PRR16: variants seen among roughly 807,000 people sequenced by gnomAD.
PRR16 encodes proline rich 16.
A neutral mutation model predicts 18.2 loss-of-function variants in PRR16; 6 were observed. That is an observed-to-expected ratio of 0.33 (90% CI 0.18 to 0.65). The LOEUF (loss-of-function observed/expected upper bound fraction) is 0.65. Among genes scored for constraint, PRR16 ranks in the 30% least tolerant of loss-of-function variants. The pLI, the probability that PRR16 is intolerant of heterozygous loss-of-function variation, is 0.74. For missense variants in PRR16, 412 were observed against 376.6 expected (o/e 1.09, Z -0.78); for synonymous variants, 151 against 147.8 (o/e 1.02, Z -0.16).
intron 1 of PRR16, among the ~76,000 whole-genome samples, chr5:120,631,375 C>T (rs1271245821): frequency 6.6e-6 from 1 of 152,042 alleles, no homozygotes; most frequent in African/African-American, 2.4e-5. Flanking sequence ...CTGCAGGCTC[C>T]CTGAGACACT....
the PRR16 span, among the ~76,000 whole-genome samples, chr5:120,693,605 T>A: frequency 6.6e-6 from 1 of 152,224 alleles, no homozygotes; most frequent in African/African-American, 2.4e-5. Context: ...TCTCCCAAAC[T>A]TTTTTATAAT....
the PRR16 span, among the ~76,000 whole-genome samples, chr5:120,756,522 G>A: frequency 6.6e-6 from 1 of 151,762 alleles, no homozygotes; most frequent in Non-Finnish European, 1.5e-5. Flanking sequence ...ACTATGTTTT[G>A]GATTTGCATT....
At chr5:120,657,491 G>A (rs1756022678) in intron 1 of PRR16, among the ~76,000 whole-genome samples, 1 of 151,872 alleles carries the variant, frequency 6.6e-6, no homozygotes, top group African/African-American at 2.4e-5. Flanking sequence ...ATGACACATT[G>A]GGGATTTTTT....
rs542063582 is a variant in PRR16, at chr5:120,516,244, C to T, written c.159+51599C>T. ...TTCGAGACCAGCCTGGCCAACATGG[C>T]GAAACGCCATCTCTACCAAAAAATA... On this transcript the variant is annotated intron_variant, in intron 1 of 1. Coordinates refer to ENST00000407149, the MANE Select transcript of PRR16 (RefSeq NM_001300783.2). 2.4e-4 allele frequency among the ~76,000 whole-genome samples: 37 copies of T among 151,932 alleles called. No homozygotes were observed. The South Asian group carries it at 2.5e-3, about 10-fold the overall frequency.
chr5:120,668,268 G>C lies in PRR16; in HGVS notation c.160-17686G>C, dbSNP rs575503002. Among the ~76,000 whole-genome samples, 680 of 151,206 alleles carry C rather than the reference G, an allele frequency of 4.5e-3. 4 individuals carry two copies. The highest frequency in any genetic ancestry group is 0.016 in the African/African-American group (648 of 41,154). ...TAAAGTCTGTTTTATCAGAGACTAG[G>C]ATTGCAACCCCTGCCTTTTTATGTT... On this transcript the variant is annotated intron_variant, in intron 1 of 1. Coordinates refer to ENST00000407149, the MANE Select transcript of PRR16 (RefSeq NM_001300783.2).
At chr5:120,708,200 C>T in the PRR16 span, among the ~76,000 whole-genome samples, 2 of 152,144 alleles carry the variant, frequency 1.3e-5, no homozygotes, top group South Asian at 4.1e-4. Flanking sequence ...GTACATTTGC[C>T]TTGGGAATTC....
chr5:120,645,484 TA>T (rs112857511), intron 1 of PRR16, among the ~76,000 whole-genome samples: 9,355 of 151,414 alleles, frequency 0.062, 1,008 homozygotes, highest in African/African-American at 0.21. Flanking sequence ...TTTGATCAGC[TA>T]TTAGGGGCAA....
At chr5:120,633,918 A>T (rs1041514537) in intron 1 of PRR16, among the ~76,000 whole-genome samples, 8 of 152,172 alleles carry the variant, frequency 5.3e-5, no homozygotes, top group Non-Finnish European at 8.8e-5. Flanking sequence ...ATGGACTTAA[A>T]TTATACCCTA....
chr5:120,610,422 G>A (rs1297676218), intron 1 of PRR16, among the ~76,000 whole-genome samples: 3 of 147,242 alleles, frequency 2.0e-5, no homozygotes, highest in African/African-American at 7.3e-5. Flanking sequence ...GCTAAAATTA[G>A]TTTCAATACA....
chr5:120,762,005 A>T, the PRR16 span, among the ~76,000 whole-genome samples: 1 of 152,122 alleles, frequency 6.6e-6, no homozygotes, highest in Non-Finnish European at 1.5e-5. Context: ...AATTTTACAT[A>T]ATGACTTCCA....
intron 1 of PRR16, among the ~76,000 whole-genome samples, chr5:120,655,974 C>T (rs907297143): frequency 6.6e-6 from 1 of 151,778 alleles, no homozygotes; most frequent in Non-Finnish European, 1.5e-5. Context: ...AGTTACTGAA[C>T]CGAGCCTTTT....
intron 1 of PRR16, among the ~76,000 whole-genome samples, chr5:120,599,055 T>G (rs1157575410): frequency 1.3e-5 from 2 of 151,872 alleles, no homozygotes; most frequent in Non-Finnish European, 2.9e-5. Context: ...TTGTAATATG[T>G]TTAGTCTCAT....
the PRR16 span, among the ~76,000 whole-genome samples, chr5:120,697,546 TC>T: frequency 1.3e-5 from 2 of 152,198 alleles, no homozygotes; most frequent in African/African-American, 4.8e-5. Context: ...ATTTACATTT[TC>T]ATGCGCGTCC....
At chr5:120,731,745 G>A in the PRR16 span, among the ~76,000 whole-genome samples, 3 of 152,132 alleles carry the variant, frequency 2.0e-5, no homozygotes, top group African/African-American at 7.2e-5. Flanking sequence ...AAACAAGGCT[G>A]GCAATGACAG....
chr5:120,562,910 T>C (rs183427766), intron 1 of PRR16, among the ~76,000 whole-genome samples: 3 of 152,312 alleles, frequency 2.0e-5, no homozygotes, highest in Admixed American at 6.5e-5. Flanking sequence ...GAGTAGGTTG[T>C]ATATTCTAAT....
the PRR16 span, among the ~76,000 whole-genome samples, chr5:120,775,617 C>T: frequency 0.14 from 20,399 of 149,668 alleles, 1,957 homozygotes; most frequent in African/African-American, 0.27. Context: ...TTTTCCTTTT[C>T]TCTTTTTCTT....
intron 1 of PRR16, among the ~76,000 whole-genome samples, chr5:120,601,763 G>A (rs1403400135): frequency 6.6e-6 from 1 of 151,984 alleles, no homozygotes; most frequent in Non-Finnish European, 1.5e-5. Flanking sequence ...AAGGGGTCCA[G>A]TTTCAGTCTT....
At chr5:120,722,090 T>C in the PRR16 span, among the ~76,000 whole-genome samples, 1 of 152,144 alleles carries the variant, frequency 6.6e-6, no homozygotes, top group African/African-American at 2.4e-5. Context: ...GTTCTCATTG[T>C]TGGACTCCCA....
intron 1 of PRR16, among the ~76,000 whole-genome samples, chr5:120,530,076 A>C (rs1751494427): frequency 6.6e-6 from 1 of 150,690 alleles, no homozygotes. Flanking sequence ...TAGCAAGCTA[A>C]CAAGGCCTAT....
Sources: gnomAD v4.1 joint callset for allele counts (sites outside exome capture counted in the v4.1 genomes callset) on GRCh38, gnomAD v4.1.1 for gene constraint, MANE v1.5 for transcripts, NCBI Gene and HGNC (gene_info 2026-07-23, HGNC 2026-07-21) for gene names.